Variants in TMCO4 observed in about 807,000 individuals in gnomAD.
TMCO4 encodes transmembrane and coiled-coil domains 4.
A neutral mutation model predicts 64.7 loss-of-function variants in TMCO4; 58 were observed. That is an observed-to-expected ratio of 0.90 (90% CI 0.73 to 1.12). The LOEUF is 1.12. TMCO4 is among the 50% of genes most tolerant of loss of function. TMCO4 has a pLI of 0.00. For missense variants in TMCO4, 780 were observed against 825.9 expected, an observed-to-expected ratio of 0.94 and a Z score of 0.68; for synonymous variants, 325 against 346.1, an observed-to-expected ratio of 0.94 and a Z score of 0.68.
In TMCO4 at chr1:19,689,872, T is replaced by C. The variant is rs75655730; in HGVS notation, c.1500+4562A>G. On this transcript the variant is annotated intron_variant, in intron 15 of 15. Coordinates refer to ENST00000294543, the MANE Select transcript of TMCO4 (RefSeq NM_181719.7). ...CATCAGCTCTGAGCCCTGTTGATGG[T>C]GACAGGAGGCAGCCAAATGCCTAGG... is the stretch of plus-strand genomic sequence containing the variant. Among the ~76,000 whole-genome samples, 1,109 of 152,246 alleles carry C rather than the reference T, an allele frequency of 7.3e-3. 15 individuals carry two copies. Among genetic ancestry groups the C allele is most frequent in the African/African-American group, 0.022 (914 of 41,548 alleles).
At chr1:19,712,944 C>T (rs901382996) in intron 13 of TMCO4, among the ~76,000 whole-genome samples, 3 of 152,200 alleles carry the variant, frequency 2.0e-5, no homozygotes, top group Non-Finnish European at 4.4e-5. Context: ...AGCCAGCTGG[C>T]AGCTAGGCTG....
chr1:19,713,815 C>A (rs1219517367), intron 13 of TMCO4, among the ~76,000 whole-genome samples: 1 of 152,196 alleles, frequency 6.6e-6, no homozygotes, highest in Non-Finnish European at 1.5e-5. Context: ...CTCCCCTATT[C>A]TCTTTTTCTT....
chr1:19,685,219 T>G (rs4912144), intron 15 of TMCO4, among the ~76,000 whole-genome samples: 109,212 of 152,064 alleles, frequency 0.72, 39,807 homozygotes, highest in Non-Finnish European at 0.78. Context: ...CCAGTGACTA[T>G]GTAGGCTGGG....
intron 13 of TMCO4, among the ~76,000 whole-genome samples, chr1:19,711,207 G>A (rs957440426): frequency 1.3e-5 from 2 of 152,182 alleles, no homozygotes; most frequent in African/African-American, 4.8e-5. Context: ...CAGATATTAC[G>A]TGTCTTACAA....
At chr1:19,716,604 G>C (rs1557502670) in intron 13 of TMCO4, among the ~76,000 whole-genome samples, 1 of 151,846 alleles carries the variant, frequency 6.6e-6, no homozygotes, top group Non-Finnish European at 1.5e-5. Flanking sequence ...CCTGGTGTGG[G>C]TGTCAGACAG....
chr1:19,765,409 C>T (rs2042688226), intron 6 of TMCO4, among the ~76,000 whole-genome samples: 1 of 149,694 alleles, frequency 6.7e-6, no homozygotes, highest in South Asian at 2.1e-4. Flanking sequence ...CTGAGATGGC[C>T]GTATTTTCAG....
chr1:19,729,237 C>A (rs2100779872), intron 13 of TMCO4, among the ~76,000 whole-genome samples: 1 of 151,992 alleles, frequency 6.6e-6, no homozygotes, highest in South Asian at 2.1e-4. Flanking sequence ...GCAACCTCTG[C>A]CTCCTGGGTT....
chr1:19,749,574 C>T (rs1441626056), intron 7 of TMCO4, among the ~76,000 whole-genome samples: 1 of 152,092 alleles, frequency 6.6e-6, no homozygotes, highest in Non-Finnish European at 1.5e-5. Context: ...TGCCACGTTG[C>T]CCAGGCTGGT....
intron 13 of TMCO4, among the ~76,000 whole-genome samples, chr1:19,727,469 A>AT (rs1387147819): frequency 1.3e-5 from 2 of 152,206 alleles, no homozygotes; most frequent in Non-Finnish European, 2.9e-5. Flanking sequence ...GGTTGGTGCT[A>AT]TATCTATTAG....
At chr1:19,758,380 C>T (rs1049405859) in intron 6 of TMCO4, among the ~76,000 whole-genome samples, 2 of 152,132 alleles carry the variant, frequency 1.3e-5, no homozygotes, top group East Asian at 1.9e-4. Flanking sequence ...ACTGTGCCCA[C>T]GTGATAATCG....
rs568194152 is a variant in TMCO4, at chr1:19,697,093, C to T, written c.1383-2542G>A. Among the ~76,000 whole-genome samples the T allele has an allele frequency of 7.2e-5, 11 of 152,304 alleles. No individual in the cohort carries two copies. In the East Asian group the frequency reaches 7.7e-4, roughly 11 times the overall value. On this transcript the variant is annotated intron_variant, in intron 14 of 15. Transcript: ENST00000294543. ...ATGTATACACAGGTGTTCAGGGAGC[C>T]GCGGGCATGACTATTAGCGCCTGTG...
intron 14 of TMCO4, among the ~76,000 whole-genome samples, chr1:19,698,934 C>T (rs756558528): frequency 1.3e-5 from 2 of 152,198 alleles, no homozygotes; most frequent in East Asian, 1.9e-4. Flanking sequence ...CAGTGGCTCA[C>T]GCCTGTAATC....
intron 15 of TMCO4, among the ~76,000 whole-genome samples, chr1:19,684,063 C>CTTTTTTTTT (rs3048209): frequency 1.0e-4 from 7 of 70,316 alleles, no homozygotes; most frequent in African/African-American, 4.1e-4. Context: ...TGCCCGGCAG[C>CTTTTTTTTT]TTTTTTTTTT....
At chr1:19,695,397 C>T (rs138976007) in intron 14 of TMCO4, among the ~76,000 whole-genome samples, 17 of 152,354 alleles carry the variant, frequency 1.1e-4, no homozygotes, top group Admixed American at 8.5e-4. Flanking sequence ...GCCATGCCCT[C>T]GGGCCTTGCC....
chr1:19,692,662 G>A (rs955580989), intron 15 of TMCO4, among the ~76,000 whole-genome samples: 17 of 151,752 alleles, frequency 1.1e-4, no homozygotes, highest in African/African-American at 4.1e-4. Context: ...CAGGAGAATC[G>A]CTTGAACCTG....
intron 9 of TMCO4, 147 bp downstream of exon 9, chr1:19,746,309 G>T: frequency 1.6e-6 from 2 of 1,229,746 alleles, no homozygotes; most frequent in Non-Finnish European, 1.1e-6. Flanking sequence ...GCGAGCTCTG[G>T]GAAGGCTGGG....
At chr1:19,762,194 C>T (rs2042534241) in intron 6 of TMCO4, among the ~76,000 whole-genome samples, 1 of 152,178 alleles carries the variant, frequency 6.6e-6, no homozygotes, top group Non-Finnish European at 1.5e-5. Flanking sequence ...AGTTTGGTGT[C>T]CTAGGACAAT....
chr1:19,792,194 A>G (rs1480596905), intron 2 of TMCO4, among the ~76,000 whole-genome samples: 4 of 152,174 alleles, frequency 2.6e-5, no homozygotes, highest in Non-Finnish European at 4.4e-5. Context: ...TACACCAAGG[A>G]ACTCCAAGAA....
Position 19,682,885 on chromosome 1 carries a change from C to T in TMCO4, c.*155G>A, listed in dbSNP as rs1233690721. 8.9e-7 allele frequency: 1 copy of T among 1,124,178 alleles called. No individual in the cohort carries two copies. Among genetic ancestry groups the T allele is most frequent in the Non-Finnish European group, 1.3e-6 (1 of 778,240 alleles). 69.6% of individuals were successfully genotyped at this position (1,124,178 alleles called of 1,614,324 possible). A position where few individuals can be genotyped will look rare whatever the true frequency, so the allele number is the denominator to read the frequency against. On this transcript the variant is annotated 3_prime_UTR_variant, in exon 16 of 16. Coordinates refer to ENST00000294543, the MANE Select transcript of TMCO4 (RefSeq NM_181719.7). ...TGTTCTCTCCTCCAAATTCCCCTTC[C>T]TTCCATTTCCTTTCCCTTTCAGTTC...
Sources: gnomAD v4.1 joint callset for allele counts (sites outside exome capture counted in the v4.1 genomes callset) on GRCh38, gnomAD v4.1.1 for gene constraint, MANE v1.5 for transcripts, NCBI Gene and HGNC (gene_info 2026-07-23, HGNC 2026-07-21) for gene names.